The following PADI1 variants were observed in gnomAD, a reference collection of about 807,000 sequenced individuals.
PADI1 encodes the protein peptidyl arginine deiminase 1, also known as protein-arginine deiminase type-1.
In PADI1, 65 loss-of-function variants were observed where a neutral mutation model predicts 74.8. The observed-to-expected ratio is 0.87, with a 90% CI of 0.71 to 1.07. The LOEUF (loss-of-function observed/expected upper bound fraction) is 1.07. Among genes scored for constraint, PADI1 ranks in the 50% least tolerant of loss-of-function variants. The probability of loss-of-function intolerance (pLI) is 0.00; values close to 1 mark genes in which losing one functional copy is unlikely to be tolerated. For missense variants in PADI1, 943 were observed against 854.0 expected, an observed-to-expected ratio of 1.10 and a Z score of -1.30; for synonymous variants, 371 against 336.2, an observed-to-expected ratio of 1.10 and a Z score of -1.13.
chr1:17,225,131 C>T (rs2072272183), intron 4 of PADI1, among the ~76,000 whole-genome samples: 1 of 152,178 alleles, frequency 6.6e-6, no homozygotes, highest in Admixed American at 6.5e-5. Flanking sequence ...GCCATAAAGG[C>T]TAACAGTGGC....
At chr1:17,212,890 CA>C (rs1038865145) in intron 1 of PADI1, among the ~76,000 whole-genome samples, 11 of 152,234 alleles carry the variant, frequency 7.2e-5, no homozygotes, top group Non-Finnish European at 1.3e-4. Context: ...GTGGTGGGGC[CA>C]GGGGGCTGTG....
Position 17,230,682 on chromosome 1 carries a change from A to G in PADI1, c.1161+3A>G, listed in dbSNP as rs1380789803. ...ATTTCCCCTATAAGAGGATCCTGGT[A>G]CGTAGCGACAGGTAGAGTGCAGAAA... On this transcript the variant is annotated splice_donor_region_variant and intron_variant, in intron 10 of 15. Transcript: ENST00000375471. The G allele has an allele frequency of 1.3e-6, 2 of 1,563,698 alleles. No homozygotes were observed. Among genetic ancestry groups the G allele is most frequent in the Admixed American group, 3.4e-5 (2 of 59,074 alleles).
At chr1:17,207,887 T>C (rs2100386793) in intron 1 of PADI1, among the ~76,000 whole-genome samples, 1 of 152,358 alleles carries the variant, frequency 6.6e-6, no homozygotes, top group East Asian at 1.9e-4. Context: ...AGAAGTTGAT[T>C]CTGCAGCATA....
Position 17,226,143 on chromosome 1 carries a change from G to T in PADI1, c.637G>T (p.Val213Phe). The stretch of plus-strand genomic sequence containing the variant: ...CTTTTCTGATTCCAAAAGAGTGAGG[G>T]TCTTCTGTGCCAGGGGTGAGTGGCC... The part of the protein sequence containing the change: ...VPFSDSKRVR[V>F]FCARGGNSLS... The change falls in exon 6 of 16, where the codon GTC becomes TTC. Residue 213 changes from valine (V) to phenylalanine (F), a missense_variant. Physicochemically the swap from Val to Phe is conservative, Grantham distance 50 (BLOSUM62 -1). Transcript: ENST00000375471. The T allele has an allele frequency of 1.2e-6, 2 of 1,614,100 alleles. No homozygotes were observed. Among genetic ancestry groups the T allele is most frequent in the Non-Finnish European group, 1.7e-6 (2 of 1,180,006 alleles).
chr1:17,232,816 T>C lies in PADI1; in HGVS notation c.1162-3T>C, dbSNP rs1557475841. ...GGTGGGGGTCTCGCTGGTTCTTCCA[T>C]AGGGTCCTGACTTTGGATATGTTAC... On this transcript the variant is annotated splice_region_variant and splice_polypyrimidine_tract_variant and intron_variant, in intron 10 of 15. Coordinates refer to ENST00000375471, the MANE Select transcript of PADI1 (RefSeq NM_013358.3). The C allele has an allele frequency of 6.2e-7, 1 of 1,609,774 alleles. No individual in the cohort carries two copies. The highest frequency in any genetic ancestry group is 8.5e-7 in the Non-Finnish European group (1 of 1,177,344).
intron 2 of PADI1, among the ~76,000 whole-genome samples, chr1:17,223,159 C>T (rs925767564): frequency 2.6e-5 from 4 of 152,106 alleles, no homozygotes; most frequent in Non-Finnish European, 5.9e-5. Flanking sequence ...TGGGATGACC[C>T]GGCTGGAGGG....
Position 17,237,464 on chromosome 1 carries a change from T to C in PADI1, c.1458+6T>C. 6.2e-7 allele frequency: 1 copy of C among 1,602,636 alleles called. No homozygotes were observed. The highest frequency in any genetic ancestry group is 8.5e-7 in the Non-Finnish European group (1 of 1,174,066). ...TGCCTACCTCTGACCAAAAGGTGCG[T>C]CCCCTCCTTCCCTGCCTGAGCCACC... On this transcript the variant is annotated splice_donor_region_variant and intron_variant, in intron 12 of 15. Coordinates refer to ENST00000375471, the MANE Select transcript of PADI1 (RefSeq NM_013358.3).
chr1:17,216,793 C>T (rs1181298495), intron 1 of PADI1, among the ~76,000 whole-genome samples: 1 of 152,022 alleles, frequency 6.6e-6, no homozygotes, highest in Non-Finnish European at 1.5e-5. Flanking sequence ...TCGCTTGAAC[C>T]CAGGAGGCAG....
Position 17,222,293 on chromosome 1 carries a change from TG to T in PADI1, c.97del (p.Val33CysfsTer27). ...TCCCATCTCTCTTCTCTGCCAGTGA[TG>T]TGCCCAAGGGTGCCAACAGCTTCAG... ...VEAHVDIHSDVPKGANSFRVS... is the reference protein window; with the variant it reads ...VEAHVDIHSDXPKGANSFRVS... On this transcript the variant is annotated frameshift_variant, in exon 2 of 16. Transcript: ENST00000375471. LOFTEE classifies it high-confidence loss of function. The T allele has an allele frequency of 5.0e-6, 8 of 1,613,260 alleles. 1 individual carries two copies. Among genetic ancestry groups the T allele is most frequent in the Non-Finnish European group, 6.8e-6 (8 of 1,179,266 alleles).
chr1:17,217,643 G>A (rs113770455), intron 1 of PADI1, among the ~76,000 whole-genome samples: 1 of 152,320 alleles, frequency 6.6e-6, no homozygotes, highest in African/African-American at 2.4e-5. Flanking sequence ...TTATTTTACT[G>A]CATTTTACCA....
intron 14 of PADI1, chr1:17,240,006 C>G: frequency 1.9e-6 from 1 of 538,432 alleles, no homozygotes; most frequent in Admixed American, 3.1e-5. Flanking sequence ...TGAGGGAGAC[C>G]CGGCCCCACG....
At position 17,240,184 on chromosome 1, in the gene PADI1, G is replaced by A. The variant is rs1569852362; in HGVS notation, c.1632+401G>A. 2.4e-5 allele frequency: 6 copies of A among 252,598 alleles called. 1 individual carries two copies. The Admixed American group carries it at 2.9e-4, about 12-fold the overall frequency. 15.6% of individuals were successfully genotyped at this position (252,598 alleles called of 1,614,324 possible). ...AACAGGTGAAGCAAGGTGTCAGGAAGGGGCAGGGCTCACCCCAAGGATAAA... is the reference window on the plus strand; with the variant it reads ...AACAGGTGAAGCAAGGTGTCAGGAAAGGGCAGGGCTCACCCCAAGGATAAA... On this transcript the variant is annotated intron_variant, in intron 14 of 15. Transcript: ENST00000375471.
chr1:17,240,500 A>G (rs1042639872), intron 14 of PADI1, 135 bp from the exon 15 acceptor site: 24 of 930,328 alleles, frequency 2.6e-5, no homozygotes, highest in Non-Finnish European at 3.7e-5. Context: ...AATGGTTTCT[A>G]TTGCACAAAG....
intron 1 of PADI1, among the ~76,000 whole-genome samples, chr1:17,207,825 G>T (rs1265917963): frequency 6.6e-6 from 1 of 152,246 alleles, no homozygotes; most frequent in Non-Finnish European, 1.5e-5. Flanking sequence ...CTTCACCTGG[G>T]TGTTGGTGGT....
At chr1:17,233,156 G>GAA (rs2072544246) in intron 11 of PADI1, among the ~76,000 whole-genome samples, 186 bp downstream of exon 11, 1 of 152,240 alleles carries the variant, frequency 6.6e-6, no homozygotes, top group Non-Finnish European at 1.5e-5. Flanking sequence ...AATCTTAGGA[G>GAA]AAAAGTCACA....
chr1:17,230,747 C>A, intron 10 of PADI1, 68 bp downstream of exon 10: 2 of 848,098 alleles, frequency 2.4e-6, no homozygotes, highest in African/African-American at 1.7e-5. Flanking sequence ...AGTGAAGTCT[C>A]ATCTGGACCT....
chr1:17,226,277 AC>A, intron 6 of PADI1, 119 bp downstream of exon 6: 1 of 1,101,554 alleles, frequency 9.1e-7, no homozygotes, highest in Non-Finnish European at 1.3e-6. Context: ...CTTACAAACA[AC>A]CACTCCATCA....
In PADI1 at chr1:17,232,936, C is replaced by T; in HGVS notation, c.1279C>T (p.Leu427=). The change falls in exon 11 of 16, where the codon CTG becomes TTG. Residue 427 remains leucine, a synonymous_variant. Transcript: ENST00000375471. Reference sequence around the variant, plus strand: ...CACGGTGGGCGGCACGGAATACCCCCTGGGCCGGATCCTCATCGGGAGCAG... The same window carrying T: ...CACGGTGGGCGGCACGGAATACCCCTTGGGCCGGATCCTCATCGGGAGCAG... The part of the protein sequence containing the change: ...PVTVGGTEYP[L]GRILIGSSFP... 2 of 1,611,278 alleles carry T rather than the reference C, an allele frequency of 1.2e-6. No individual in the cohort carries two copies. Among genetic ancestry groups the T allele is most frequent in the Non-Finnish European group, 1.7e-6 (2 of 1,179,446 alleles).
chr1:17,206,914 CAA>C (rs2071700539), intron 1 of PADI1, among the ~76,000 whole-genome samples: 1 of 152,074 alleles, frequency 6.6e-6, no homozygotes, highest in Admixed American at 6.5e-5. Context: ...CTCCTGACCT[CAA>C]GTGATCAACC....
Sources: allele counts gnomAD v4.1 joint callset (sites outside exome capture counted in the v4.1 genomes callset), GRCh38; gene constraint gnomAD v4.1.1; transcripts MANE v1.5; gene names NCBI Gene and HGNC (gene_info 2026-07-23, HGNC 2026-07-21).